Variants in LINGO2 observed in about 807,000 individuals in gnomAD.
LINGO2 encodes the protein leucine-rich repeat and immunoglobulin-like domain-containing nogo receptor-interacting protein 2.
Under a neutral mutation model 30.6 loss-of-function variants are expected in LINGO2, and 14 were observed. The ratio of observed to expected loss-of-function variants is 0.46; its 90% confidence interval spans 0.30 to 0.72. The LOEUF is 0.72. Ranked by LOEUF, LINGO2 falls within the 30% of genes least tolerant of loss-of-function variation. The pLI is 0.07. For synonymous variants in LINGO2, 317 were observed against 288.5 expected (o/e 1.10, Z -1.00); for missense variants, 729 against 751.7 (o/e 0.97, Z 0.35).
At chr9:28,829,512 G>A in the LINGO2 span, among the ~76,000 whole-genome samples, 2 of 152,144 alleles carry the variant, frequency 1.3e-5, no homozygotes. Context: ...GGATAACATG[G>A]GACGCACACA....
At chr9:28,831,607 G>A in the LINGO2 span, among the ~76,000 whole-genome samples, 6 of 152,170 alleles carry the variant, frequency 3.9e-5, no homozygotes, top group East Asian at 5.8e-4. Flanking sequence ...TGGTGTAAAC[G>A]TGTGGGAAAT....
intron 1 of LINGO2, among the ~76,000 whole-genome samples, chr9:28,546,551 A>T (rs538372891): frequency 6.6e-6 from 1 of 152,208 alleles, no homozygotes; most frequent in African/African-American, 2.4e-5. Context: ...CTTATGATCT[A>T]TTATTAGACA....
chr9:28,804,936 A>G, the LINGO2 span, among the ~76,000 whole-genome samples: 121,029 of 152,034 alleles, frequency 0.8, 48,167 homozygotes, highest in East Asian at 0.89. Context: ...ACAACTGAAT[A>G]TATGAAAGCA....
the LINGO2 span, among the ~76,000 whole-genome samples, chr9:28,707,662 C>T: frequency 1.3e-5 from 2 of 152,104 alleles, no homozygotes; most frequent in South Asian, 2.1e-4. Flanking sequence ...TCCTGTCCTC[C>T]CACTGTCACT....
At chr9:28,486,815 T>A (rs1826185398) in intron 1 of LINGO2, among the ~76,000 whole-genome samples, 1 of 152,102 alleles carries the variant, frequency 6.6e-6, no homozygotes, top group African/African-American at 2.4e-5. Context: ...AAAATAGTGA[T>A]ATAAACTCAC....
At chr9:28,053,432 CTT>C (rs1824770011) in intron 4 of LINGO2, among the ~76,000 whole-genome samples, 1 of 152,032 alleles carries the variant, frequency 6.6e-6, no homozygotes, top group Non-Finnish European at 1.5e-5. Context: ...CTAAAGAACT[CTT>C]AATTGTATAC....
intron 5 of LINGO2, among the ~76,000 whole-genome samples, chr9:27,985,231 A>T (rs182577376): frequency 7.6e-4 from 116 of 151,962 alleles, no homozygotes; most frequent in African/African-American, 2.5e-3. Context: ...TACAACATGT[A>T]TTTTTCTTCC....
chr9:28,412,118 A>G (rs1822787126), intron 2 of LINGO2, among the ~76,000 whole-genome samples: 1 of 145,260 alleles, frequency 6.9e-6, no homozygotes, highest in African/African-American at 2.5e-5. Flanking sequence ...CTGATTCTCC[A>G]GTGTTCACTA....
At chr9:29,015,658 C>G in the LINGO2 span, among the ~76,000 whole-genome samples, 1 of 152,068 alleles carries the variant, frequency 6.6e-6, no homozygotes, top group East Asian at 1.9e-4. Flanking sequence ...CCAGTACAAT[C>G]TATAGATTAA....
chr9:28,666,075 A>G (rs1320419908), intron 1 of LINGO2, among the ~76,000 whole-genome samples: 1 of 151,970 alleles, frequency 6.6e-6, no homozygotes, highest in Non-Finnish European at 1.5e-5. Context: ...TATTTTTAGT[A>G]GAGACGGGGT....
chr9:28,082,710 G>A (rs1390905910), intron 4 of LINGO2, among the ~76,000 whole-genome samples: 1 of 152,076 alleles, frequency 6.6e-6, no homozygotes, highest in Non-Finnish European at 1.5e-5. Flanking sequence ...AAATACCTCA[G>A]TTAAAGAAAG....
chr9:28,937,013 A>G, the LINGO2 span, among the ~76,000 whole-genome samples: 1 of 152,118 alleles, frequency 6.6e-6, no homozygotes, highest in African/African-American at 2.4e-5. Flanking sequence ...GGACACCAGC[A>G]GTATTGGATT....
chr9:28,575,927 T>TACACAC (rs3065641), intron 1 of LINGO2, among the ~76,000 whole-genome samples: 82,770 of 149,278 alleles, frequency 0.55, 23,251 homozygotes, highest in South Asian at 0.64. Context: ...AGCCTTGAAA[T>TACACAC]ACACACACAC....
the LINGO2 span, among the ~76,000 whole-genome samples, chr9:28,980,489 G>A: frequency 6.6e-6 from 1 of 152,010 alleles, no homozygotes; most frequent in Non-Finnish European, 1.5e-5. Flanking sequence ...CTTCCACGAC[G>A]TCTCTGGAGA....
chr9:28,067,363 A>G (rs1323452083), intron 4 of LINGO2, among the ~76,000 whole-genome samples: 1 of 152,200 alleles, frequency 6.6e-6, no homozygotes, highest in East Asian at 1.9e-4. Context: ...AAAATATCAG[A>G]TATTACCCTT....
intron 1 of LINGO2, among the ~76,000 whole-genome samples, chr9:28,540,185 T>C (rs747324514): frequency 5.9e-5 from 9 of 152,088 alleles, no homozygotes; most frequent in Non-Finnish European, 1.0e-4. Flanking sequence ...GCTACACCTA[T>C]GGTGAACTCT....
chr9:28,327,321 C>T (rs1044245331), intron 3 of LINGO2, among the ~76,000 whole-genome samples: 13 of 152,260 alleles, frequency 8.5e-5, no homozygotes, highest in African/African-American at 3.1e-4. Flanking sequence ...TTCCCACCTC[C>T]AGCTGAATGA....
At chr9:28,432,346 A>C (rs368135630) in intron 2 of LINGO2, among the ~76,000 whole-genome samples, 245 of 152,058 alleles carry the variant, frequency 1.6e-3, no homozygotes, top group Non-Finnish European at 3.1e-3. Flanking sequence ...GTTGTACCTG[A>C]ATTTCAACAA....
chr9:28,969,730 A>G, the LINGO2 span, among the ~76,000 whole-genome samples: 1 of 152,166 alleles, frequency 6.6e-6, no homozygotes, highest in African/African-American at 2.4e-5. Context: ...TAATGAATTG[A>G]CGTGGGTATG....
Sources: allele counts gnomAD v4.1 joint callset (sites outside exome capture counted in the v4.1 genomes callset), GRCh38; gene constraint gnomAD v4.1.1; transcripts MANE v1.5; gene names NCBI Gene and HGNC (gene_info 2026-07-23, HGNC 2026-07-21).